ACKR3: variants seen among roughly 807,000 people sequenced by gnomAD.
ACKR3 encodes atypical chemokine receptor 3.
A neutral mutation model predicts 22.4 loss-of-function variants in ACKR3; 6 were observed. That is an observed-to-expected ratio of 0.27 (90% CI 0.15 to 0.53). ACKR3 has a LOEUF of 0.53. ACKR3 is among the 20% of genes least tolerant of loss of function. The pLI, the probability that ACKR3 is intolerant of heterozygous loss-of-function variation, is 0.96. For synonymous variants in ACKR3, 209 were observed against 205.2 expected (o/e 1.02, Z -0.16); for missense variants, 396 against 475.2 (o/e 0.83, Z 1.55).
chr2:236,559,497 G>GT, the ACKR3 span, among the ~76,000 whole-genome samples: 2 of 152,118 alleles, frequency 1.3e-5, no homozygotes, highest in Non-Finnish European at 2.9e-5. Context: ...TCCATCTGTG[G>GT]TTTTTTGTAT....
At chr2:236,540,264 G>C in the ACKR3 span, among the ~76,000 whole-genome samples, 2 of 151,846 alleles carry the variant, frequency 1.3e-5, no homozygotes, top group Non-Finnish European at 1.5e-5. Flanking sequence ...GTTCTAATTT[G>C]TGTTTCTCTG....
chr2:236,537,426 T>C, the ACKR3 span, among the ~76,000 whole-genome samples: 11 of 152,192 alleles, frequency 7.2e-5, no homozygotes, highest in Admixed American at 6.5e-4. Context: ...TCTCAGCCTC[T>C]CGAATGGCCT....
chr2:236,566,744 C>CTTCCTTCCTTCCTTCA (rs1691190893), upstream of ACKR3, among the ~76,000 whole-genome samples: 7 of 147,698 alleles, frequency 4.7e-5, no homozygotes, highest in Non-Finnish European at 9.0e-5. Flanking sequence ...TCCTTCCTTC[C>CTTCCTTCCTTCCTTCA]TTCCTTCCTT....
chr2:236,544,214 T>C, the ACKR3 span, among the ~76,000 whole-genome samples: 1 of 151,928 alleles, frequency 6.6e-6, no homozygotes, highest in East Asian at 1.9e-4. The surrounding 1 kb of genome is among the most constrained non-coding windows in gnomAD (Gnocchi z 5.0). Context: ...GGTCTCGAAC[T>C]CTTGACCTTG....
rs1307535125 is a variant in ACKR3, at chr2:236,571,629, A to C, written c.-27+1705A>C. ...TAGGCTTTCTGAATGAAAAAAAAAA[A>C]AAAAAAAAAAAAACCCAAAACAAAA... On this transcript the variant is annotated intron_variant, in intron 1 of 1. Transcript: ENST00000272928. 1.6e-4 allele frequency among the ~76,000 whole-genome samples: 24 copies of C among 151,286 alleles called. No homozygotes were observed. The East Asian group carries it at 2.1e-3, about 13-fold the overall frequency.
chr2:236,550,010 G>T, the ACKR3 span, among the ~76,000 whole-genome samples: 1 of 152,210 alleles, frequency 6.6e-6, no homozygotes, highest in African/African-American at 2.4e-5. This position sits in a 1 kb window ranked among gnomAD's most constrained non-coding sequence, Gnocchi z 4.6. Context: ...GCTGTGGGCA[G>T]GGCACTGTCT....
rs1691273943 is a variant in ACKR3, at chr2:236,569,918, C to A, written c.-33C>A. 1.3e-5 allele frequency: 2 copies of A among 152,952 alleles called. No homozygotes were observed. The highest frequency in any genetic ancestry group is 6.5e-5 in the Admixed American group (1 of 15,288). The allele number at this position is 152,952 out of a possible 1,614,324, so 9.5% of individuals were successfully genotyped here. On this transcript the variant is annotated 5_prime_UTR_variant, in exon 1 of 2. Coordinates refer to ENST00000272928, the MANE Select transcript of ACKR3 (RefSeq NM_020311.3). The stretch of plus-strand genomic sequence containing the variant: ...CAGCCAGCCCAGCCAGCCCAGCCAG[C>A]CCGGAGGTAAGGAAACGGTGCTCGG...
At chr2:236,558,154 A>C in the ACKR3 span, among the ~76,000 whole-genome samples, 1 of 152,108 alleles carries the variant, frequency 6.6e-6, no homozygotes, top group Non-Finnish European at 1.5e-5. Flanking sequence ...GTGGTGGAAA[A>C]AAGCAGCTTT....
chr2:236,547,212 G>A, the ACKR3 span, among the ~76,000 whole-genome samples: 2 of 152,172 alleles, frequency 1.3e-5, no homozygotes, highest in East Asian at 3.8e-4. Flanking sequence ...GTTGCCCAGA[G>A]CCTCTTTATA....
chr2:236,556,478 C>T, the ACKR3 span, among the ~76,000 whole-genome samples: 3 of 151,972 alleles, frequency 2.0e-5, no homozygotes, highest in South Asian at 4.2e-4. Flanking sequence ...ATGACGGGGG[C>T]AGGGGGCCAG....
chr2:236,574,536 C>T lies in ACKR3; in HGVS notation c.-27+4612C>T, dbSNP rs1374083861. Among the ~76,000 whole-genome samples, 1 of 152,084 alleles carries T rather than the reference C, an allele frequency of 6.6e-6. No individual in the cohort carries two copies. The highest frequency in any genetic ancestry group is 1.5e-5 in the Non-Finnish European group (1 of 68,022). Reference sequence around the variant, plus strand: ...GTTGGGAAGAGTCTGTGGTTGGAGACTGCAAACATGTGGAAGGGAGTTTGG... The same window carrying T: ...GTTGGGAAGAGTCTGTGGTTGGAGATTGCAAACATGTGGAAGGGAGTTTGG... On this transcript the variant is annotated intron_variant, in intron 1 of 1. Coordinates refer to ENST00000272928, the MANE Select transcript of ACKR3 (RefSeq NM_020311.3). The surrounding 1 kb of genome is among the most constrained non-coding windows in gnomAD (Gnocchi z 5.6).
At chr2:236,548,716 A>G in the ACKR3 span, among the ~76,000 whole-genome samples, 1 of 152,220 alleles carries the variant, frequency 6.6e-6, no homozygotes, top group Non-Finnish European at 1.5e-5. The surrounding 1 kb of genome is among the most constrained non-coding windows in gnomAD (Gnocchi z 4.3). Context: ...AATGGCAGAG[A>G]CTATGGAGCA....
chr2:236,537,510 T>G, the ACKR3 span, among the ~76,000 whole-genome samples: 1 of 152,202 alleles, frequency 6.6e-6, no homozygotes, highest in Non-Finnish European at 1.5e-5. Flanking sequence ...AGTGTCATAA[T>G]AATCCATGAC....
chr2:236,548,532 G>A, the ACKR3 span, among the ~76,000 whole-genome samples: 1 of 152,184 alleles, frequency 6.6e-6, no homozygotes. The surrounding 1 kb of genome is among the most constrained non-coding windows in gnomAD (Gnocchi z 4.3). Flanking sequence ...AATCTTCCCA[G>A]GGAGGGTGTG....
intron 1 of ACKR3, among the ~76,000 whole-genome samples, chr2:236,578,652 G>A (rs1302693742): frequency 6.6e-6 from 1 of 152,216 alleles, no homozygotes; most frequent in Non-Finnish European, 1.5e-5. Flanking sequence ...TCCGCTAAGT[G>A]GGGTTCACGC....
chr2:236,564,103 C>A (rs576003848), upstream of ACKR3, among the ~76,000 whole-genome samples: 42 of 152,302 alleles, frequency 2.8e-4, no homozygotes, highest in African/African-American at 8.4e-4. Flanking sequence ...GAGGCCCCTC[C>A]CTCTGCAAAA....
chr2:236,568,859 A>C (rs1270566631), upstream of ACKR3, among the ~76,000 whole-genome samples: 1 of 152,132 alleles, frequency 6.6e-6, no homozygotes, highest in East Asian at 1.9e-4. Flanking sequence ...CATACACTCC[A>C]CTTGAGCCGC....
At chr2:236,570,850 C>T (rs538425440) in intron 1 of ACKR3, among the ~76,000 whole-genome samples, 2 of 152,184 alleles carry the variant, frequency 1.3e-5, no homozygotes, top group South Asian at 4.2e-4. Context: ...CTTCCTCTTT[C>T]TTTCTTTCTT....
At position 236,581,147 on chromosome 2, in the gene ACKR3, A is replaced by G; in HGVS notation, c.682A>G (p.Ile228Val). 4 of 1,614,144 alleles carry G rather than the reference A, an allele frequency of 2.5e-6. No homozygotes were observed. Among genetic ancestry groups the G allele is most frequent in the Non-Finnish European group, 3.4e-6 (4 of 1,180,026 alleles). The change falls in exon 2 of 2, where the codon ATC becomes GTC. Residue 228 changes from isoleucine (I) to valine (V), a missense_variant. Ile to Val is a conservative substitution (Grantham distance 29). Transcript: ENST00000272928. This position sits in a 1 kb window ranked among gnomAD's most constrained non-coding sequence, Gnocchi z 4.4. ...VLGFAVPFSIIAVFYFLLARA... is the reference protein window; with the variant it reads ...VLGFAVPFSIVAVFYFLLARA... ...GGGCTTTGCCGTTCCCTTCTCCATT[A>G]TCGCTGTCTTCTACTTCCTGCTGGC...
Sources: gnomAD v4.1 joint callset for allele counts (sites outside exome capture counted in the v4.1 genomes callset) on GRCh38, gnomAD v4.1.1 for gene constraint, Gnocchi (gnomAD v3.1) non-coding constraint, MANE v1.5 for transcripts, NCBI Gene and HGNC (gene_info 2026-07-23, HGNC 2026-07-21) for gene names.